ECT2: variants seen among roughly 807,000 people sequenced by gnomAD.
ECT2 encodes the protein protein ECT2.
A neutral mutation model predicts 116.9 loss-of-function variants in ECT2; 61 were observed. The ratio of observed to expected loss-of-function variants is 0.52; its 90% CI spans 0.42 to 0.65. The LOEUF is 0.65. Ranked by LOEUF, ECT2 falls within the 30% of genes least tolerant of loss-of-function variation. The probability of loss-of-function intolerance (pLI) is 0.00; values close to 1 mark genes in which losing one functional copy is unlikely to be tolerated. For missense variants in ECT2, 937 were observed against 1,078.7 expected (o/e 0.87, Z 1.84); for synonymous variants, 358 against 346.4 (o/e 1.03, Z -0.37).
intron 18 of ECT2, among the ~76,000 whole-genome samples, chr3:172,786,844 C>T (rs1039941953): frequency 1.3e-5 from 2 of 152,142 alleles, no homozygotes; most frequent in Non-Finnish European, 2.9e-5. Flanking sequence ...TAGGCATTTT[C>T]TTCATATAAC....
rs921103420 is a variant in ECT2, at chr3:172,821,221, C to G, written c.*984C>G. 2.6e-5 allele frequency: 4 copies of G among 151,908 alleles called. No homozygotes were observed. The highest frequency in any genetic ancestry group is 2.6e-4 in the Admixed American group (4 of 15,242). 9.4% of individuals were successfully genotyped at this position (151,908 alleles called of 1,614,324 possible). On this transcript the variant is annotated 3_prime_UTR_variant, in exon 25 of 25. Coordinates refer to ENST00000392692, the MANE Select transcript of ECT2 (RefSeq NM_001258315.2). ...AAAGTGTGATATCTTTCACAATAGC[C>G]TTTTTATAGTCAGTAATTCAGAATA...
intron 18 of ECT2, among the ~76,000 whole-genome samples, chr3:172,796,719 T>C (rs1354776263): frequency 6.6e-6 from 1 of 152,208 alleles, no homozygotes; most frequent in African/African-American, 2.4e-5. Flanking sequence ...CAGGCTATAG[T>C]GCATTGGTGT....
chr3:172,796,379 C>T lies in ECT2; in HGVS notation c.1908-6237C>T, dbSNP rs551571547. 4.6e-5 allele frequency: 7 copies of T among 152,262 alleles called. No homozygotes were observed. The East Asian group carries it at 5.8e-4, about 13-fold the overall frequency. 9.4% of individuals were successfully genotyped at this position (152,262 alleles called of 1,614,324 possible). A position where few individuals can be genotyped will look rare whatever the true frequency, so the allele number is the denominator to read the frequency against. On this transcript the variant is annotated intron_variant, in intron 18 of 24. Transcript: ENST00000392692. ...AAAGTCTGAATCTCTATGTTTACAA[C>T]GAGTTTTACTTGAAGTATTGATCAG...
chr3:172,796,260 G>A (rs1286764759), intron 18 of ECT2, among the ~76,000 whole-genome samples: 1 of 152,170 alleles, frequency 6.6e-6, no homozygotes, highest in African/African-American at 2.4e-5. Context: ...AGGTTTATGT[G>A]TGATCAGGTT....
chr3:172,761,629 C>G lies in ECT2; in HGVS notation c.704C>G (p.Thr235Ser). The G allele has an allele frequency of 6.2e-7, 1 of 1,610,780 alleles. No homozygotes were observed. Among genetic ancestry groups the G allele is most frequent in the Non-Finnish European group, 8.5e-7 (1 of 1,177,866 alleles). ...EKFRVAVSLG[T>S]PIMKPEWIYK... The stretch of plus-strand genomic sequence containing the variant: ...TTTTAGGTTGCTGTGAGTCTAGGTA[C>G]TCCAATTATGAAGCCAGAATGGATT... Residue 235 changes from threonine (T) to serine (S), a missense_variant, in exon 8 of 25, where the codon ACT (threonine) becomes AGT (serine). Physicochemically the swap from Thr to Ser is moderately conservative, Grantham distance 58 (BLOSUM62 1). Coordinates refer to ENST00000392692, the MANE Select transcript of ECT2 (RefSeq NM_001258315.2).
intron 5 of ECT2, 46 bp downstream of exon 5, chr3:172,757,211 TAATG>T: frequency 7.6e-7 from 1 of 1,317,726 alleles, no homozygotes; most frequent in Non-Finnish European, 9.9e-7. Context: ...AAATTTTTAT[TAATG>T]AATTTTAATT....
At chr3:172,763,835 T>C (rs1718803436) in intron 11 of ECT2, among the ~76,000 whole-genome samples, 1 of 152,236 alleles carries the variant, frequency 6.6e-6, no homozygotes, top group Non-Finnish European at 1.5e-5. Context: ...TTCAGAGTCT[T>C]TGAAATGTGA....
chr3:172,764,058 G>A (rs761063393), intron 11 of ECT2, among the ~76,000 whole-genome samples: 8 of 152,168 alleles, frequency 5.3e-5, no homozygotes, highest in Non-Finnish European at 1.0e-4. Flanking sequence ...AATAGTGATA[G>A]TGGCTATGAA....
At chr3:172,769,806 A>AT (rs1360661604) in intron 13 of ECT2, among the ~76,000 whole-genome samples, 1 of 152,176 alleles carries the variant, frequency 6.6e-6, no homozygotes, top group Non-Finnish European at 1.5e-5. Context: ...TGGTATCTGT[A>AT]GAAAGAAGGA....
At chr3:172,804,283 C>T (rs934415136) in intron 20 of ECT2, among the ~76,000 whole-genome samples, 1 of 152,072 alleles carries the variant, frequency 6.6e-6, no homozygotes, top group Non-Finnish European at 1.5e-5. Context: ...ACCAGAAATT[C>T]ACTTGTGTTA....
chr3:172,827,815 C>T, the ECT2 span, among the ~76,000 whole-genome samples: 1 of 152,156 alleles, frequency 6.6e-6, no homozygotes, highest in African/African-American at 2.4e-5. Context: ...TGAAAGAGGC[C>T]ATTTTGGGAT....
At chr3:172,751,962 A>G (rs1715948010) in intron 1 of ECT2, among the ~76,000 whole-genome samples, 1 of 152,210 alleles carries the variant, frequency 6.6e-6, no homozygotes, top group South Asian at 2.1e-4. Flanking sequence ...CTGTTTTGGC[A>G]ATAAATTGAT....
rs148851108 is a variant in ECT2 at position 172,805,649 on chromosome 3, G to A, written c.2107-82G>A. 3.5e-4 allele frequency: 464 copies of A among 1,314,652 alleles called. 4 individuals carry two copies. The East Asian group carries it at 9.9e-3, about 28-fold the overall frequency. 81.4% of individuals were successfully genotyped at this position (1,314,652 alleles called of 1,614,324 possible). ...AAATAAGTTATATATAGATTTATGTGATTAGTGCTATTTTATTTTTTAAGT... is the reference window on the plus strand; with the variant it reads ...AAATAAGTTATATATAGATTTATGTAATTAGTGCTATTTTATTTTTTAAGT... On this transcript the variant is annotated intron_variant, in intron 20 of 24. Transcript: ENST00000392692.
Position 172,764,388 on chromosome 3 carries a change from G to C in ECT2, c.1179G>C (p.Glu393Asp). The C allele has an allele frequency of 6.2e-7, 1 of 1,614,152 alleles. No individual in the cohort carries two copies. The highest frequency in any genetic ancestry group is 2.2e-5 in the East Asian group (1 of 44,884). The part of the protein sequence containing the change: ...LKETLAQLSR[E>D]TDVSPFPPRK... ...AAACACTTGCTCAGCTTTCAAGAGA[G>C]ACAGACGTGTCACCATTTCCACCCC... Residue 393 changes from glutamate (E) to aspartate (D), a missense_variant, in exon 12 of 25, where the codon GAG becomes GAC. Physicochemically the swap from Glu to Asp is conservative, Grantham distance 45 (BLOSUM62 2). Coordinates refer to ENST00000392692, the MANE Select transcript of ECT2 (RefSeq NM_001258315.2).
intron 18 of ECT2, among the ~76,000 whole-genome samples, chr3:172,791,847 G>A (rs935672108): frequency 2.0e-5 from 3 of 152,180 alleles, no homozygotes; most frequent in African/African-American, 7.2e-5. Context: ...GCTGCTTGGT[G>A]CAAGAGGCTT....
chr3:172,763,525 C>A (rs1718746792), intron 11 of ECT2, among the ~76,000 whole-genome samples: 1 of 152,100 alleles, frequency 6.6e-6, no homozygotes, highest in Non-Finnish European at 1.5e-5. Context: ...TAGATAGAAT[C>A]AAGAAGTTTT....
chr3:172,763,478 G>A (rs1718734482), intron 11 of ECT2, among the ~76,000 whole-genome samples: 1 of 152,210 alleles, frequency 6.6e-6, no homozygotes, highest in Non-Finnish European at 1.5e-5. Flanking sequence ...TGGCTTTACA[G>A]TGTGGGAAGG....
rs778756277 is a variant in ECT2, at chr3:172,816,800, A to G, written c.2618A>G (p.His873Arg). 5.6e-6 allele frequency: 9 copies of G among 1,607,440 alleles called. No individual in the cohort carries two copies. The South Asian group carries it at 6.7e-5, about 12-fold the overall frequency. The change falls in exon 24 of 25, where the codon CAT becomes CGT. Residue 873 changes from histidine to arginine, a missense_variant. Coordinates refer to ENST00000392692, the MANE Select transcript of ECT2 (RefSeq NM_001258315.2). ...EGRSPSSNDK[H>R]VMSRLSSTSS... ...AGAAGTCCTTCCAGCAATGATAAGC[A>G]TGTAATGAGTCGTCTTTCTAGCACA... is the stretch of plus-strand genomic sequence containing the variant.
In ECT2 at chr3:172,814,389, G is replaced by A. The variant is rs537199006; in HGVS notation, c.2401-1215G>A. Among the ~76,000 whole-genome samples, 350 of 151,778 alleles carry A rather than the reference G, an allele frequency of 2.3e-3. 2 individuals are homozygous for A. The highest frequency in any genetic ancestry group is 8.1e-3 in the African/African-American group (335 of 41,392). On this transcript the variant is annotated intron_variant, in intron 22 of 24. Coordinates refer to ENST00000392692, the MANE Select transcript of ECT2 (RefSeq NM_001258315.2). ...ATTTTTAAAATAGAAAAAATTTTCA[G>A]AAGAAACAACTTTCACAAGGTTGTT... is the stretch of plus-strand genomic sequence containing the variant.
Sources: allele counts gnomAD v4.1 joint callset (sites outside exome capture counted in the v4.1 genomes callset), GRCh38; gene constraint gnomAD v4.1.1; transcripts MANE v1.5; gene names NCBI Gene and HGNC (gene_info 2026-07-23, HGNC 2026-07-21).